MEG3: variants seen among roughly 807,000 people sequenced by gnomAD.
MEG3 encodes maternally expressed 3, also known as Very putative protein from MEG3 locus.
At chr14:100,841,452 T>G (rs1311792230) in intron 2 of MEG3, among the ~76,000 whole-genome samples, 1 of 152,190 alleles carries the variant, frequency 6.6e-6, no homozygotes, top group East Asian at 1.9e-4. Flanking sequence ...CTGTCGTTTG[T>G]TTGCTGGGTC....
At chr14:100,843,487 C>T (rs925920198) in intron 2 of MEG3, among the ~76,000 whole-genome samples, 4 of 150,520 alleles carry the variant, frequency 2.7e-5, no homozygotes, top group African/African-American at 1.0e-4. Context: ...CCCTCAGTCA[C>T]CCATGCACTG....
chr14:100,849,336 C>T (rs1314746897), intron 3 of MEG3: 5 of 151,976 alleles, frequency 3.3e-5, no homozygotes, highest in Non-Finnish European at 4.4e-5. Flanking sequence ...GCTCCAGGAA[C>T]CGCAGATTAT....
At chr14:100,851,300 G>C (rs2038066948) in intron 3 of MEG3, 1 of 152,462 alleles carries the variant, frequency 6.6e-6, no homozygotes, top group African/African-American at 2.4e-5. Context: ...TGGGTCACCT[G>C]CACAGGAGGT....
At chr14:100,841,209 G>A (rs2037749143) in intron 2 of MEG3, among the ~76,000 whole-genome samples, 1 of 152,226 alleles carries the variant, frequency 6.6e-6, no homozygotes, top group African/African-American at 2.4e-5. Context: ...GGGGGCACAG[G>A]TCTCAGTCTT....
chr14:100,827,665 C>A (rs72698762), intron 1 of MEG3: 1,724 of 152,418 alleles, frequency 0.011, 18 homozygotes, highest in Non-Finnish European at 0.02. Context: ...GTTGTTGTGG[C>A]GAAGGAGGGA....
At chr14:100,860,604 C>T (rs1047483069) in intron 1 of MEG3, 3 of 454,818 alleles carry the variant, frequency 6.6e-6, no homozygotes, top group African/African-American at 6.0e-5. Context: ...TCCCTCCCTC[C>T]TGGGGCCTGC....
At chr14:100,827,201 C>T (rs937485632) in intron 1 of MEG3, among the ~76,000 whole-genome samples, 2 of 152,092 alleles carry the variant, frequency 1.3e-5, no homozygotes, top group Non-Finnish European at 2.9e-5. Context: ...AGAGTCAAGC[C>T]CCCCCAGGCC....
exon 1 of MEG3, chr14:100,857,489 A>G (rs1188042338): frequency 6.6e-6 from 1 of 152,192 alleles, no homozygotes; most frequent in Non-Finnish European, 1.5e-5. Flanking sequence ...ACTAGTCCTA[A>G]GTGAATAAAA....
chr14:100,828,722 G>A (rs2037319612), exon 2 of MEG3: 1 of 151,782 alleles, frequency 6.6e-6, no homozygotes, highest in Admixed American at 6.6e-5. Context: ...TCTCCTCAGG[G>A]ATGACATCAT....
intron 2 of MEG3, among the ~76,000 whole-genome samples, chr14:100,844,679 A>G (rs1189995212): frequency 6.6e-6 from 1 of 152,164 alleles, no homozygotes; most frequent in African/African-American, 2.4e-5. Context: ...TTTGTGGCGC[A>G]CATCCTGTGG....
exon 1 of MEG3, chr14:100,859,113 A>T (rs141556309): frequency 1.3e-5 from 2 of 152,222 alleles, no homozygotes; most frequent in African/African-American, 2.4e-5. Flanking sequence ...TGCCTCCTGC[A>T]CTAGTAGGCA....
intron 1 of MEG3, chr14:100,835,910 CGCCGT>C: frequency 3.4e-6 from 1 of 295,414 alleles, no homozygotes; most frequent in Non-Finnish European, 6.5e-6. Context: ...CCTTTGCCTC[CGCCGT>C]GGCCCTGAGA....
intron 2 of MEG3, among the ~76,000 whole-genome samples, chr14:100,843,253 A>C (rs976747245): frequency 6.6e-6 from 1 of 152,226 alleles, no homozygotes; most frequent in Non-Finnish European, 1.5e-5. Flanking sequence ...GAACAAAACA[A>C]AAACAGCCAA....
downstream of MEG3, chr14:100,829,410 T>C (rs539898246): frequency 2.6e-5 from 4 of 152,380 alleles, no homozygotes; most frequent in Admixed American, 2.6e-4. Context: ...GGCCAAGGGC[T>C]TGGCCAGCAT....
At chr14:100,836,883 A>T (rs1418096375) in intron 2 of MEG3, among the ~76,000 whole-genome samples, 1 of 152,208 alleles carries the variant, frequency 6.6e-6, no homozygotes, top group African/African-American at 2.4e-5. Flanking sequence ...CTGAAATTGC[A>T]ATGAGACGGG....
chr14:100,845,631 C>T lies in MEG3; in HGVS notation n.3121+98C>T. 2.5e-6 allele frequency: 1 copy of T among 395,312 alleles called. No individual in the cohort carries two copies. Among genetic ancestry groups the T allele is most frequent in the Non-Finnish European group, 5.1e-6 (1 of 195,464 alleles). 24.5% of individuals were successfully genotyped at this position (395,312 alleles called of 1,614,324 possible). A position where few individuals can be genotyped will look rare whatever the true frequency, so the allele number is the denominator to read the frequency against. On this transcript the variant is annotated intron_variant and non_coding_transcript_variant, in intron 3 of 3. Coordinates refer to the MEG3 transcript ENST00000398461. This position sits in a 1 kb window ranked among gnomAD's most constrained non-coding sequence, Gnocchi z 5.2. ...CCGCCAGGCGGACCTCGTGGAGGGG[C>T]TGGCGGGCACTGGCCGGGGGTCTGT...
At chr14:100,852,384 T>C (rs1454575241), upstream of MEG3, 3 of 534,266 alleles carry the variant, frequency 5.6e-6, no homozygotes, top group South Asian at 4.2e-5. Context: ...ATGGAATTCA[T>C]GTGTCAGGAG....
At chr14:100,844,555 C>A (rs2037857145) in intron 2 of MEG3, among the ~76,000 whole-genome samples, 1 of 152,170 alleles carries the variant, frequency 6.6e-6, no homozygotes, top group African/African-American at 2.4e-5. Context: ...CCCACCATCT[C>A]CCCTGTCATT....
chr14:100,849,645 G>T (rs551680833), intron 3 of MEG3: 15 of 152,330 alleles, frequency 9.8e-5, no homozygotes, highest in African/African-American at 3.4e-4. Context: ...CAATAAAAAA[G>T]AGAACGAATA....
Sources: gnomAD v4.1 joint callset for allele counts (sites outside exome capture counted in the v4.1 genomes callset) on GRCh38, gnomAD v4.1.1 for gene constraint, Gnocchi (gnomAD v3.1) non-coding constraint, MANE v1.5 for transcripts, NCBI Gene and HGNC (gene_info 2026-07-23, HGNC 2026-07-21) for gene names.